BTD: variants seen among roughly 807,000 people sequenced by gnomAD.
The protein encoded by BTD is biotinidase.
BTD carries 13 observed loss-of-function variants against 17.7 expected under a neutral mutation model. The observed-to-expected ratio is 0.74, with a 90% CI of 0.48 to 1.17. The LOEUF (loss-of-function observed/expected upper bound fraction) is 1.17, where lower values mean the gene tolerates loss of function less well. BTD is among the 50% of genes most tolerant of loss of function. BTD has a pLI of 0.00. For missense variants in BTD, 674 were observed against 650.4 expected, an observed-to-expected ratio of 1.04 and a Z score of -0.39; for synonymous variants, 240 against 245.2, an observed-to-expected ratio of 0.98 and a Z score of 0.20.
chr3:15,712,232 A>G, exon 4 of BTD: 1 of 1,561,350 alleles, frequency 6.4e-7, no homozygotes, highest in African/African-American at 1.4e-5. Flanking sequence ...CCTAAAGTTA[A>G]TAGAACAGGA....
chr3:15,605,693 A>G (rs181505881), intron 1 of BTD, among the ~76,000 whole-genome samples: 1 of 152,350 alleles, frequency 6.6e-6, no homozygotes, highest in East Asian at 1.9e-4. Context: ...ATCACCACCC[A>G]AAATAAAAAT....
At chr3:15,644,293 A>G in intron 3 of BTD, 23 bp from the exon 4 acceptor site, 3 of 1,606,988 alleles carry the variant, frequency 1.9e-6, no homozygotes, top group African/African-American at 2.7e-5. Context: ...AACCTCATTT[A>G]TTTACACCTT....
chr3:15,714,347 A>G (rs537190095), downstream of BTD, among the ~76,000 whole-genome samples: 1 of 152,214 alleles, frequency 6.6e-6, no homozygotes, highest in African/African-American at 2.4e-5. Flanking sequence ...TAACTGCTGA[A>G]GAAATAACAC....
intron 3 of BTD, among the ~76,000 whole-genome samples, chr3:15,708,887 T>C (rs1413028148): frequency 6.6e-6 from 1 of 152,222 alleles, no homozygotes; most frequent in Non-Finnish European, 1.5e-5. Context: ...TCTTCTGACA[T>C]ACACCCTTCC....
chr3:15,672,187 C>A (rs1427174157), intron 3 of BTD, among the ~76,000 whole-genome samples: 2 of 151,104 alleles, frequency 1.3e-5, no homozygotes, highest in Non-Finnish European at 2.9e-5. Flanking sequence ...GTTCTGTCAC[C>A]CAGGCTGGAG....
At chr3:15,699,932 A>C (rs7640885) in intron 3 of BTD, among the ~76,000 whole-genome samples, 104,322 of 152,098 alleles carry the variant, frequency 0.69, 36,113 homozygotes, top group East Asian at 0.91. Context: ...AGACACATGC[A>C]CACGTATGTT....
At chr3:15,659,800 A>G (rs750112036) in intron 3 of BTD, among the ~76,000 whole-genome samples, 8 of 152,098 alleles carry the variant, frequency 5.3e-5, no homozygotes, top group Admixed American at 3.3e-4. Flanking sequence ...CTTCCCTTCA[A>G]TCTCCAACAG....
chr3:15,701,648 A>C (rs529678789), intron 3 of BTD, among the ~76,000 whole-genome samples: 1 of 144,454 alleles, frequency 6.9e-6, no homozygotes, highest in South Asian at 2.1e-4. Context: ...CCGTCTCAAA[A>C]AATAAATAAA....
intron 3 of BTD, among the ~76,000 whole-genome samples, chr3:15,680,349 G>A (rs948670327): frequency 4.6e-5 from 7 of 151,876 alleles, no homozygotes; most frequent in South Asian, 2.1e-4. Flanking sequence ...GACTACAGGC[G>A]CCCACCACCA....
chr3:15,602,966 G>C (rs1484768949), intron 1 of BTD, among the ~76,000 whole-genome samples: 2 of 152,188 alleles, frequency 1.3e-5, no homozygotes, highest in African/African-American at 4.8e-5. Context: ...GAAGGTGAAG[G>C]AGGAGCAAAG....
chr3:15,696,463 G>A lies in BTD; in HGVS notation c.400-13597G>A, dbSNP rs145258191. On this transcript the variant is annotated intron_variant, in intron 3 of 3. Transcript: ENST00000672141. ...CATGAGAATCTTCTTGATTCAAAGTGGATACCTCAAAAGTCTGTCAGACAG... is the reference window on the plus strand; with the variant it reads ...CATGAGAATCTTCTTGATTCAAAGTAGATACCTCAAAAGTCTGTCAGACAG... Among the ~76,000 whole-genome samples the A allele has an allele frequency of 5.3e-5, 8 of 151,982 alleles. No individual in the cohort carries two copies. In the East Asian group the frequency reaches 1.2e-3, roughly 22 times the overall value.
chr3:15,702,624 ACC>A (rs1002973266), intron 3 of BTD, among the ~76,000 whole-genome samples: 3 of 152,160 alleles, frequency 2.0e-5, no homozygotes, highest in African/African-American at 7.2e-5. Flanking sequence ...TCCTACTCTT[ACC>A]CTACCACTCA....
chr3:15,644,918 G>A lies in BTD; in HGVS notation c.1002G>A (p.Thr334=), dbSNP rs148764524. The A allele has an allele frequency of 4.0e-4, 642 of 1,614,068 alleles. 2 individuals carry two copies. The African/African-American group carries it at 6.6e-3, about 17-fold the overall frequency. ...GTGCAGAGAATGCAACAGGTGAAAC[G>A]GACCCATCCCATAGTAAGTTTTTAA... The part of the protein sequence containing the change: ...LIGAENATGE[T]DPSHSKFLKI... The change falls in exon 4 of 4, where the codon ACG becomes ACA. Residue 334 remains threonine (T), a synonymous_variant. Transcript: ENST00000643237.
At chr3:15,708,012 G>A in intron 3 of BTD, 2 of 1,611,044 alleles carry the variant, frequency 1.2e-6, no homozygotes, top group East Asian at 2.2e-5. Flanking sequence ...GATCCCACAA[G>A]AGCAAACAGG....
chr3:15,676,920 T>C lies in BTD; in HGVS notation c.400-33140T>C. On this transcript the variant is annotated intron_variant, in intron 3 of 3. Transcript: ENST00000672141. ...TCACATGTTTAAAAAAATCCATTTA[T>C]CATTTTTATAATTATAGGTCACAAA... 13 of 1,442,900 alleles carry C rather than the reference T, an allele frequency of 9.0e-6. 1 individual carries two copies. The South Asian group carries it at 1.6e-4, about 17-fold the overall frequency. The allele number at this position is 1,442,900 out of a possible 1,614,324, so 89.4% of individuals were successfully genotyped here.
downstream of BTD, among the ~76,000 whole-genome samples, chr3:15,657,436 A>T (rs144367804): frequency 1.5e-3 from 224 of 152,286 alleles, 2 homozygotes; most frequent in African/African-American, 5.1e-3. Context: ...TATTAATCCC[A>T]TTTTACAGAT....
chr3:15,610,335 C>T (rs921127404), intron 1 of BTD, among the ~76,000 whole-genome samples: 1 of 152,202 alleles, frequency 6.6e-6, no homozygotes, highest in Non-Finnish European at 1.5e-5. Flanking sequence ...GAATGAGCCT[C>T]ATTGTGCAAG....
downstream of BTD, among the ~76,000 whole-genome samples, chr3:15,716,300 T>C (rs867659294): frequency 1.4e-4 from 21 of 149,170 alleles, no homozygotes; most frequent in South Asian, 1.1e-3. Context: ...TTTTTTTTTT[T>C]CCCTTAAAGA....
chr3:15,633,425 TAG>T (rs1267684291), intron 1 of BTD, among the ~76,000 whole-genome samples: 1 of 152,236 alleles, frequency 6.6e-6, no homozygotes, highest in Non-Finnish European at 1.5e-5. Flanking sequence ...GATTGCCACT[TAG>T]AGCTCTCCTA....
Sources: gnomAD v4.1 joint callset for allele counts (sites outside exome capture counted in the v4.1 genomes callset) on GRCh38, gnomAD v4.1.1 for gene constraint, MANE v1.5 for transcripts, NCBI Gene and HGNC (gene_info 2026-07-23, HGNC 2026-07-21) for gene names.